ECHDC1: variants seen among roughly 807,000 people sequenced by gnomAD.
ECHDC1 encodes the protein ethylmalonyl-CoA decarboxylase.
Under a neutral mutation model 29.7 loss-of-function variants are expected in ECHDC1, and 29 were observed. The observed-to-expected ratio is 0.98, with a 90% CI of 0.73 to 1.33. ECHDC1 has a LOEUF of 1.33. Ranked by LOEUF, ECHDC1 falls within the 40% of genes most tolerant of loss-of-function variation. The pLI, the probability that ECHDC1 is intolerant of heterozygous loss-of-function variation, is 0.00. For synonymous variants in ECHDC1, 126 were observed against 123.1 expected (o/e 1.02, Z -0.15); for missense variants, 328 against 350.0 (o/e 0.94, Z 0.50).
chr6:127,290,703 T>A (rs1780091018), intron 5 of ECHDC1, among the ~76,000 whole-genome samples: 1 of 152,070 alleles, frequency 6.6e-6, no homozygotes, highest in African/African-American at 2.4e-5. Context: ...ATACAGCATC[T>A]ATTCAGCAAG....
At chr6:127,339,544 G>C (rs1347245117) in intron 1 of ECHDC1, among the ~76,000 whole-genome samples, 1 of 151,882 alleles carries the variant, frequency 6.6e-6, no homozygotes, top group East Asian at 1.9e-4. Context: ...AGACCAAAGT[G>C]GGCAGATCGC....
At chr6:127,314,086 T>G (rs1782163568) in intron 5 of ECHDC1, among the ~76,000 whole-genome samples, 1 of 152,176 alleles carries the variant, frequency 6.6e-6, no homozygotes. Context: ...GTGCTATATT[T>G]ACTACCTTTT....
At chr6:127,319,117 T>C (rs1415981095) in intron 3 of ECHDC1, among the ~76,000 whole-genome samples, 3 of 152,348 alleles carry the variant, frequency 2.0e-5, no homozygotes, top group Middle Eastern at 3.4e-3. Context: ...TGTACTATTA[T>C]AATTTTCATT....
At chr6:127,330,695 C>A in intron 2 of ECHDC1, 114 bp downstream of exon 2, 7 of 794,624 alleles carry the variant, frequency 8.8e-6, no homozygotes, top group East Asian at 8.0e-5. Flanking sequence ...TTCTCATGTT[C>A]TACCAAGAGT....
At chr6:127,339,182 T>C (rs892779377) in intron 1 of ECHDC1, among the ~76,000 whole-genome samples, 1 of 151,600 alleles carries the variant, frequency 6.6e-6, no homozygotes, top group Non-Finnish European at 1.5e-5. Flanking sequence ...TATCTGAAAT[T>C]TCTTTGTTGA....
At chr6:127,291,660 C>A (rs1475458942) in intron 5 of ECHDC1, among the ~76,000 whole-genome samples, 1 of 152,036 alleles carries the variant, frequency 6.6e-6, no homozygotes, top group Non-Finnish European at 1.5e-5. Flanking sequence ...TTACTCATTA[C>A]AAAAAAGAAG....
intron 5 of ECHDC1, among the ~76,000 whole-genome samples, chr6:127,300,635 A>G (rs922570140): frequency 6.6e-6 from 1 of 152,208 alleles, no homozygotes; most frequent in Non-Finnish European, 1.5e-5. Context: ...GCAAAGACTC[A>G]TCCCCCATCT....
At chr6:127,310,234 A>T (rs574418938) in intron 5 of ECHDC1, among the ~76,000 whole-genome samples, 108 of 152,158 alleles carry the variant, frequency 7.1e-4, no homozygotes, top group Non-Finnish European at 9.9e-4. Flanking sequence ...AACAACTAAA[A>T]GAGTATAATT....
At chr6:127,301,818 A>C (rs897320552) in intron 5 of ECHDC1, among the ~76,000 whole-genome samples, 4 of 152,232 alleles carry the variant, frequency 2.6e-5, no homozygotes, top group Non-Finnish European at 5.9e-5. Flanking sequence ...TCGATTGCAG[A>C]CCAATAATTT....
At chr6:127,328,990 G>A (rs1562329655) in intron 2 of ECHDC1, among the ~76,000 whole-genome samples, 1 of 152,030 alleles carries the variant, frequency 6.6e-6, no homozygotes, top group Non-Finnish European at 1.5e-5. Context: ...TCGCGCCACT[G>A]CACTCCAGCC....
At chr6:127,310,048 A>G (rs1438861897) in intron 5 of ECHDC1, among the ~76,000 whole-genome samples, 2 of 152,166 alleles carry the variant, frequency 1.3e-5, no homozygotes, top group African/African-American at 4.8e-5. Flanking sequence ...AACTGAATTC[A>G]TGGAGATAGA....
In ECHDC1 at chr6:127,290,228, T is replaced by C. The variant is rs1780026784; in HGVS notation, c.547A>G (p.Ile183Val). The change falls in exon 6 of 6, where the codon ATA (isoleucine) becomes GTA (valine). Residue 183 changes from isoleucine to valine, a missense_variant. Physicochemically the swap from Ile to Val is conservative, Grantham distance 29. Transcript: ENST00000454859. ...KIRFVHKEMG[I>V]IPSWGGTTRL... ...GTGGTGCCACCCCAGCTTGGTATTATGCCCATCTCTTTGTGGACGAATCTG... is the reference window on the plus strand; with the variant it reads ...GTGGTGCCACCCCAGCTTGGTATTACGCCCATCTCTTTGTGGACGAATCTG... The C allele has an allele frequency of 3.7e-6, 6 of 1,613,626 alleles. No homozygotes were observed. The highest frequency in any genetic ancestry group is 5.1e-6 in the Non-Finnish European group (6 of 1,179,716).
intron 5 of ECHDC1, among the ~76,000 whole-genome samples, chr6:127,308,321 T>G (rs777291477): frequency 3.3e-5 from 5 of 152,184 alleles, no homozygotes; most frequent in Non-Finnish European, 7.3e-5. Flanking sequence ...AATTTATCTC[T>G]GGGATGCAAG....
At chr6:127,313,046 A>G (rs563848190) in intron 5 of ECHDC1, 1 of 152,340 alleles carries the variant, frequency 6.6e-6, no homozygotes, top group East Asian at 1.9e-4. Context: ...GACTGGGAAG[A>G]GGCATATGAA....
intron 3 of ECHDC1, among the ~76,000 whole-genome samples, chr6:127,319,890 A>G (rs1311070066): frequency 2.0e-5 from 3 of 152,232 alleles, no homozygotes; most frequent in Admixed American, 2.0e-4. Flanking sequence ...ACTCTAAGCC[A>G]TGTTTAGAGT....
chr6:127,288,876 G>C lies in ECHDC1; in HGVS notation c.*993C>G, dbSNP rs6683. On this transcript the variant is annotated 3_prime_UTR_variant, in exon 6 of 6. Transcript: ENST00000454859. ...GTAGGATCATGATGGTAAGGCAAAT[G>C]CAAGTTATTTTTACCATGATTCTCA... 6.6e-6 allele frequency: 1 copy of C among 151,774 alleles called. No homozygotes were observed. Among genetic ancestry groups the C allele is most frequent in the Non-Finnish European group, 1.5e-5 (1 of 67,912 alleles). The allele number at this position is 151,774 out of a possible 1,614,324, so 9.4% of individuals were successfully genotyped here.
chr6:127,318,763 T>A (rs1246035242), intron 3 of ECHDC1, among the ~76,000 whole-genome samples: 1 of 152,138 alleles, frequency 6.6e-6, no homozygotes, highest in Admixed American at 6.6e-5. Flanking sequence ...CTTAAAAAAA[T>A]TAGATGAATT....
chr6:127,299,062 T>C (rs1024960106), intron 5 of ECHDC1, among the ~76,000 whole-genome samples: 6 of 151,746 alleles, frequency 4.0e-5, no homozygotes, highest in Non-Finnish European at 8.8e-5. Context: ...TTTTTGTGTC[T>C]CACTATGTTG....
intron 5 of ECHDC1, among the ~76,000 whole-genome samples, chr6:127,298,480 C>A (rs755380442): frequency 2.0e-5 from 3 of 152,154 alleles, no homozygotes; most frequent in Non-Finnish European, 2.9e-5. Flanking sequence ...GTTTTAAGTA[C>A]TTCCTGAAGC....
Sources: allele counts gnomAD v4.1 joint callset (sites outside exome capture counted in the v4.1 genomes callset), GRCh38; gene constraint gnomAD v4.1.1; transcripts MANE v1.5; gene names NCBI Gene and HGNC (gene_info 2026-07-23, HGNC 2026-07-21).